The following DAB1 variants were observed in gnomAD, a reference collection of about 807,000 sequenced individuals.
The protein encoded by DAB1 is disabled homolog 1.
DAB1 carries 15 observed loss-of-function variants against 64.6 expected under a neutral mutation model. That is an observed-to-expected ratio of 0.23 (90% confidence interval 0.16 to 0.36). The LOEUF (loss-of-function observed/expected upper bound fraction) is 0.36. Among genes scored for constraint, DAB1 ranks in the 10% least tolerant of loss-of-function variants. The pLI is 1.00. For missense variants in DAB1, 596 were observed against 706.7 expected (o/e 0.84, Z 1.78); for synonymous variants, 235 against 251.9 (o/e 0.93, Z 0.64).
chr1:57,005,003 A>G (rs1043740789), intron 14 of DAB1, among the ~76,000 whole-genome samples: 1 of 152,200 alleles, frequency 6.6e-6, no homozygotes, highest in African/African-American at 2.4e-5. Context: ...AAGGAAAAAC[A>G]AAGCTTTCTG....
intron 3 of DAB1, among the ~76,000 whole-genome samples, chr1:58,422,960 C>T (rs930706493): frequency 3.3e-5 from 5 of 152,164 alleles, no homozygotes; most frequent in Non-Finnish European, 7.3e-5. Context: ...TTGCAAGAGA[C>T]TCTGAGATAG....
At chr1:58,243,515 T>G (rs906933651) in intron 4 of DAB1, among the ~76,000 whole-genome samples, 2 of 152,160 alleles carry the variant, frequency 1.3e-5, no homozygotes, top group Non-Finnish European at 2.9e-5. Flanking sequence ...GCTGGGGTTT[T>G]TTTTTAGTCC....
chr1:57,952,091 T>C (rs1208556879), intron 5 of DAB1, among the ~76,000 whole-genome samples: 2 of 152,188 alleles, frequency 1.3e-5, no homozygotes, highest in Admixed American at 6.5e-5. Flanking sequence ...TTAGCTCAGA[T>C]GTGGCTACCT....
chr1:57,305,589 C>T (rs1674068357), intron 1 of DAB1, among the ~76,000 whole-genome samples: 1 of 152,182 alleles, frequency 6.6e-6, no homozygotes, highest in Non-Finnish European at 1.5e-5. Context: ...TTTCCTATCA[C>T]AGCCTATATT....
At chr1:57,484,305 T>C (rs1644062563) in intron 7 of DAB1, among the ~76,000 whole-genome samples, 1 of 152,148 alleles carries the variant, frequency 6.6e-6, no homozygotes, top group Admixed American at 6.5e-5. Context: ...TTTGAAGATG[T>C]GTTTTGTGCC....
intron 3 of DAB1, among the ~76,000 whole-genome samples, chr1:57,143,509 G>A (rs1445075479): frequency 6.6e-6 from 1 of 151,978 alleles, no homozygotes; most frequent in East Asian, 1.9e-4. Context: ...TGTCTTTTAT[G>A]CCTTTTTCTA....
intron 3 of DAB1, chr1:58,473,924 T>C (rs764031232): frequency 2.0e-5 from 24 of 1,191,546 alleles, no homozygotes; most frequent in Non-Finnish European, 2.3e-5. Context: ...GCGTTAACTC[T>C]GCAATCTGTT....
chr1:57,441,009 C>T (rs1380157530), intron 7 of DAB1, among the ~76,000 whole-genome samples: 1 of 152,022 alleles, frequency 6.6e-6, no homozygotes, highest in Non-Finnish European at 1.5e-5. Flanking sequence ...CTTATTAACC[C>T]ACACTTCCCT....
intron 2 of DAB1, among the ~76,000 whole-genome samples, chr1:58,508,865 C>G (rs948857488): frequency 6.6e-6 from 1 of 151,836 alleles, no homozygotes; most frequent in African/African-American, 2.4e-5. Flanking sequence ...AGGTAGATCA[C>G]GTGTCCAACA....
chr1:57,060,318 T>C (rs1650260691), intron 9 of DAB1, among the ~76,000 whole-genome samples: 3 of 151,646 alleles, frequency 2.0e-5, no homozygotes, highest in Admixed American at 2.0e-4. Flanking sequence ...GCCCGGCTAA[T>C]GTTTTGTATT....
chr1:57,062,221 T>C (rs1231225410), intron 9 of DAB1, among the ~76,000 whole-genome samples: 2 of 152,208 alleles, frequency 1.3e-5, no homozygotes, highest in Non-Finnish European at 2.9e-5. Flanking sequence ...CTTGTTGTCC[T>C]TAATGTGGTA....
At chr1:57,919,645 T>C (rs1435163220) in intron 5 of DAB1, among the ~76,000 whole-genome samples, 1 of 152,214 alleles carries the variant, frequency 6.6e-6, no homozygotes, top group Non-Finnish European at 1.5e-5. Flanking sequence ...TATGGAACTG[T>C]CTTCATTTGA....
intron 2 of DAB1, among the ~76,000 whole-genome samples, chr1:58,507,335 G>T (rs1400839477): frequency 1.3e-5 from 2 of 152,002 alleles, no homozygotes; most frequent in East Asian, 3.9e-4. Flanking sequence ...TTATAATAGT[G>T]TAATTGTGAA....
Position 57,071,628 on chromosome 1 carries a change from A to C in DAB1, c.452T>G (p.Ile151Ser), listed in dbSNP as rs1651473613. 1 of 1,613,328 alleles carries C rather than the reference A, an allele frequency of 6.2e-7. No individual in the cohort carries two copies. Among genetic ancestry groups the C allele is most frequent in the South Asian group, 1.1e-5 (1 of 91,048 alleles). Residue 151 changes from isoleucine (I) to serine (S), a missense_variant, in exon 6 of 15, where the codon ATT (isoleucine) becomes AGT (serine). Coordinates refer to ENST00000371236, the MANE Select transcript of DAB1 (RefSeq NM_001365792.1). ...IKTAQAAEPV[I>S]LDLRDLFQLI... ...TTGAAAGAGATCTCTCAAGTCCAGA[A>C]TAACAGGTTCAGCCTGGGATGAAAG...
chr1:57,106,783 T>C (rs944396435), intron 4 of DAB1, among the ~76,000 whole-genome samples: 1 of 152,174 alleles, frequency 6.6e-6, no homozygotes, highest in African/African-American at 2.4e-5. Context: ...TTAAACTTGA[T>C]GGAAAGTAAG....
intron 2 of DAB1, among the ~76,000 whole-genome samples, chr1:57,275,934 A>G (rs934529828): frequency 6.6e-6 from 1 of 152,226 alleles, no homozygotes; most frequent in Non-Finnish European, 1.5e-5. Flanking sequence ...AAGATTTGAC[A>G]AATTTGGGAA....
intron 3 of DAB1, among the ~76,000 whole-genome samples, chr1:58,484,316 G>A (rs963668316): frequency 6.6e-6 from 1 of 152,162 alleles, no homozygotes; most frequent in South Asian, 2.1e-4. Flanking sequence ...TTGGAGATAT[G>A]TGAAGTCTAA....
At chr1:57,960,261 A>G (rs1645486432) in intron 5 of DAB1, among the ~76,000 whole-genome samples, 1 of 152,106 alleles carries the variant, frequency 6.6e-6, no homozygotes, top group Non-Finnish European at 1.5e-5. Flanking sequence ...CCATGTTCTT[A>G]CTGTGTGTTA....
chr1:57,888,546 T>C (rs1056681229), upstream of DAB1, among the ~76,000 whole-genome samples: 22 of 152,144 alleles, frequency 1.4e-4, no homozygotes, highest in Non-Finnish European at 3.1e-4. Flanking sequence ...TTTTGGCCAA[T>C]TGAAAAAAGA....
Sources: allele counts gnomAD v4.1 joint callset (sites outside exome capture counted in the v4.1 genomes callset), GRCh38; gene constraint gnomAD v4.1.1; transcripts MANE v1.5; gene names NCBI Gene and HGNC (gene_info 2026-07-23, HGNC 2026-07-21).